The following CFH variants were observed in gnomAD, a reference collection of about 807,000 sequenced individuals.
The protein encoded by CFH is H factor 1 (complement).
Under a neutral mutation model 147.3 loss-of-function variants are expected in CFH, and 53 were observed. That is an observed-to-expected ratio of 0.36 (90% CI 0.29 to 0.45). The LOEUF (loss-of-function observed/expected upper bound fraction) is 0.45. Ranked by LOEUF, CFH falls within the 20% of genes least tolerant of loss-of-function variation. The probability of loss-of-function intolerance (pLI) is 1.00; values close to 1 mark genes in which losing one functional copy is unlikely to be tolerated. For missense variants in CFH, 1,380 were observed against 1,498.0 expected (o/e 0.92, Z 1.30); for synonymous variants, 536 against 489.4 (o/e 1.10, Z -1.26).
At chr1:196,683,782 C>A (rs982659654) in intron 6 of CFH, among the ~76,000 whole-genome samples, 1 of 151,920 alleles carries the variant, frequency 6.6e-6, no homozygotes, top group African/African-American at 2.4e-5. Flanking sequence ...ATAGGAAACT[C>A]ACTACTGCTG....
chr1:196,723,191 G>T (rs1669043747), intron 11 of CFH, among the ~76,000 whole-genome samples: 1 of 152,094 alleles, frequency 6.6e-6, no homozygotes, highest in African/African-American at 2.4e-5. Context: ...TTCTCATCCA[G>T]ATGAACTATC....
chr1:196,728,733 GCACACACACACACA>G (rs34018998), intron 15 of CFH, among the ~76,000 whole-genome samples: 1 of 145,058 alleles, frequency 6.9e-6, no homozygotes, highest in Non-Finnish European at 1.5e-5. Context: ...ACACACACAC[GCACACACACACACA>G]CACACACACA....
intron 4 of CFH, 87 bp from the exon 5 acceptor site, chr1:196,677,389 A>G: frequency 8.2e-7 from 1 of 1,220,772 alleles, no homozygotes; most frequent in South Asian, 1.3e-5. Context: ...CTCCAATCTT[A>G]TCCTGAGGAT....
At chr1:196,657,564 G>C (rs1275880254) in intron 1 of CFH, among the ~76,000 whole-genome samples, 2 of 152,096 alleles carry the variant, frequency 1.3e-5, no homozygotes, top group Non-Finnish European at 2.9e-5. Context: ...GGGAGTCCTG[G>C]AATATATATC....
chr1:196,729,678 C>A (rs1316441817), intron 15 of CFH, among the ~76,000 whole-genome samples: 4 of 151,034 alleles, frequency 2.6e-5, no homozygotes, highest in East Asian at 2.0e-4. Flanking sequence ...TTAGTCCTTT[C>A]TAAAATGTTG....
At chr1:196,673,214 C>T (rs1263956187) in intron 2 of CFH, 51 bp downstream of exon 2, 1 of 1,464,064 alleles carries the variant, frequency 6.8e-7, no homozygotes, top group Non-Finnish European at 9.6e-7. Flanking sequence ...TGTAAAAATA[C>T]TTAAGATTTA....
chr1:196,742,277 G>C (rs932256437), intron 19 of CFH, among the ~76,000 whole-genome samples: 3 of 152,204 alleles, frequency 2.0e-5, no homozygotes, highest in Non-Finnish European at 4.4e-5. Context: ...TTGGGAGACT[G>C]AGGCAGGAGA....
intron 9 of CFH, among the ~76,000 whole-genome samples, chr1:196,703,119 G>A (rs1558168526): frequency 2.6e-5 from 4 of 152,138 alleles, no homozygotes; most frequent in East Asian, 1.9e-4. Flanking sequence ...TTTAAAGAGT[G>A]GAAAATAAAA....
At chr1:196,687,039 G>A (rs1462980367) in intron 7 of CFH, among the ~76,000 whole-genome samples, 1 of 152,052 alleles carries the variant, frequency 6.6e-6, no homozygotes, top group Non-Finnish European at 1.5e-5. Flanking sequence ...CATTAGGGCA[G>A]TTCAGCATTC....
intron 17 of CFH, among the ~76,000 whole-genome samples, chr1:196,740,251 T>C (rs1406893850): frequency 6.6e-6 from 1 of 152,206 alleles, no homozygotes; most frequent in Non-Finnish European, 1.5e-5. Flanking sequence ...AAAACTTCTT[T>C]TACATTCTTC....
In CFH at chr1:196,741,845, C is replaced by T. The variant is rs369121227; in HGVS notation, c.2957-30C>T. On this transcript the variant is annotated intron_variant, in intron 18 of 21. Transcript: ENST00000367429. ...TATGTAACCTATTTTTAAAGATTTG[C>T]GGAACAAATACATATTTTTCCTATT... 4.6e-5 allele frequency: 74 copies of T among 1,603,326 alleles called. 1 individual carries two copies. Among genetic ancestry groups the T allele is most frequent in the South Asian group, 3.5e-4 (32 of 90,862 alleles).
chr1:196,708,459 A>G (rs957301320), intron 9 of CFH, among the ~76,000 whole-genome samples: 1 of 152,192 alleles, frequency 6.6e-6, no homozygotes, highest in Admixed American at 6.5e-5. Context: ...CCCATGGCAT[A>G]CTGGGCAGAC....
chr1:196,689,667 A>T, intron 8 of CFH, 53 bp downstream of exon 8: 1 of 1,576,078 alleles, frequency 6.3e-7, no homozygotes, highest in East Asian at 2.2e-5. Context: ...CAAAGATCGA[A>T]GAAAGGAGAG....
rs1410996 is a variant in CFH, at chr1:196,727,803, G to A, written c.2237-543G>A. 0.46 allele frequency among the ~76,000 whole-genome samples: 69,778 copies of A among 152,002 alleles called. 16,344 individuals are homozygous for A. Among genetic ancestry groups the A allele is most frequent in the South Asian group, 0.56 (2,693 of 4,820 alleles). ...TCTACATCAGTGGTATAGCTGAGTG[G>A]CATGAGGTAGTCAGGGACTGAGTCA... On this transcript the variant is annotated intron_variant, in intron 14 of 21. Coordinates refer to ENST00000367429, the MANE Select transcript of CFH (RefSeq NM_000186.4).
intron 1 of CFH, among the ~76,000 whole-genome samples, chr1:196,663,186 TC>T (rs1436187559): frequency 6.6e-6 from 1 of 152,168 alleles, no homozygotes; most frequent in East Asian, 1.9e-4. Flanking sequence ...TATGTTCCAT[TC>T]ATTTTTTAAA....
In CFH at chr1:196,743,779, C is replaced by G. The variant is rs1236658748; in HGVS notation, c.3310+151C>G. 1.0e-5 allele frequency: 12 copies of G among 1,161,038 alleles called. No homozygotes were observed. The East Asian group carries it at 1.8e-4, about 17-fold the overall frequency. 71.9% of individuals were successfully genotyped at this position (1,161,038 alleles called of 1,614,324 possible). A position where few individuals can be genotyped will look rare whatever the true frequency, so the allele number is the denominator to read the frequency against. ...CTTAAAATTCAATTCTTCCTGTGAA[C>G]AGAACACAAGTAATAGGGTATATTA... On this transcript the variant is annotated intron_variant, in intron 20 of 21. Transcript: ENST00000367429.
At chr1:196,699,230 G>GT (rs34813609) in intron 9 of CFH, among the ~76,000 whole-genome samples, 14 of 151,368 alleles carry the variant, frequency 9.2e-5, no homozygotes, top group Non-Finnish European at 1.3e-4. Flanking sequence ...GAGATAATGT[G>GT]TTTTTTTTTC....
At chr1:196,692,720 CTTT>C (rs1668083424) in intron 9 of CFH, among the ~76,000 whole-genome samples, 1 of 136,842 alleles carries the variant, frequency 7.3e-6, no homozygotes, top group Admixed American at 7.6e-5. Context: ...TTCTTTCTTT[CTTT>C]CTTTCTCTTT....
At chr1:196,732,168 A>C (rs1669295583) in intron 15 of CFH, among the ~76,000 whole-genome samples, 1 of 151,760 alleles carries the variant, frequency 6.6e-6, no homozygotes. Context: ...AGCTATCTTC[A>C]CTTTTATTTA....
Sources: gnomAD v4.1 joint callset for allele counts (sites outside exome capture counted in the v4.1 genomes callset) on GRCh38, gnomAD v4.1.1 for gene constraint, MANE v1.5 for transcripts, NCBI Gene and HGNC (gene_info 2026-07-23, HGNC 2026-07-21) for gene names.